DDAH1: variants seen among roughly 807,000 people sequenced by gnomAD.
DDAH1 encodes dimethylarginine dimethylaminohydrolase 1, also known as N(G),N(G)-dimethylarginine dimethylaminohydrolase 1.
In DDAH1, 19 loss-of-function variants were observed where a neutral mutation model predicts 28.8. The ratio of observed to expected loss-of-function variants is 0.66; its 90% confidence interval spans 0.46 to 0.97. The LOEUF is 0.97. Among genes scored for constraint, DDAH1 ranks in the 50% least tolerant of loss-of-function variants. DDAH1 has a pLI of 0.00. For synonymous variants in DDAH1, 153 were observed against 154.4 expected, an observed-to-expected ratio of 0.99 and a Z score of 0.07; for missense variants, 326 against 375.9, an observed-to-expected ratio of 0.87 and a Z score of 1.10.
intron 4 of DDAH1, among the ~76,000 whole-genome samples, chr1:85,345,400 G>C (rs1209654719): frequency 6.6e-6 from 1 of 151,828 alleles, no homozygotes; most frequent in Non-Finnish European, 1.5e-5. Flanking sequence ...AAAAACTATA[G>C]GAAATGCAGG....
chr1:85,388,200 G>A (rs988702178), intron 1 of DDAH1, among the ~76,000 whole-genome samples: 1 of 152,158 alleles, frequency 6.6e-6, no homozygotes, highest in Non-Finnish European at 1.5e-5. Flanking sequence ...TTCCTTGTCT[G>A]TAAATTGGAG....
At chr1:85,477,858 T>C (rs933669513) in intron 2 of DDAH1, among the ~76,000 whole-genome samples, 3 of 152,090 alleles carry the variant, frequency 2.0e-5, no homozygotes, top group South Asian at 4.1e-4. Flanking sequence ...AAATTGTCTA[T>C]AATTTATTGT....
At chr1:85,513,394 A>T (rs1439150460) in intron 1 of DDAH1, among the ~76,000 whole-genome samples, 1 of 152,226 alleles carries the variant, frequency 6.6e-6, no homozygotes, top group East Asian at 1.9e-4. Flanking sequence ...AAACCATAAA[A>T]ACCCTAGAAG....
chr1:85,543,153 G>A (rs1442102486), intron 1 of DDAH1, among the ~76,000 whole-genome samples: 1 of 152,080 alleles, frequency 6.6e-6, no homozygotes, highest in Admixed American at 6.6e-5. Flanking sequence ...GGAGCCAGGA[G>A]GTATAACAAA....
intron 1 of DDAH1, among the ~76,000 whole-genome samples, chr1:85,416,877 A>G (rs1652911004): frequency 6.6e-6 from 1 of 152,040 alleles, no homozygotes; most frequent in Non-Finnish European, 1.5e-5. Flanking sequence ...CATGTTGCCC[A>G]GGCTGGTCTC....
chr1:85,331,631 G>A (rs1451344401), intron 4 of DDAH1, among the ~76,000 whole-genome samples: 1 of 152,106 alleles, frequency 6.6e-6, no homozygotes, highest in Non-Finnish European at 1.5e-5. Context: ...AAGCCCTGGA[G>A]GTCTTTTTAA....
intron 1 of DDAH1, among the ~76,000 whole-genome samples, chr1:85,414,817 T>C (rs1652815541): frequency 1.3e-5 from 2 of 151,844 alleles, no homozygotes; most frequent in African/African-American, 4.8e-5. Context: ...TCAAACAACA[T>C]TTGATGAATG....
At chr1:85,442,273 G>A (rs1450903362) in intron 1 of DDAH1, among the ~76,000 whole-genome samples, 1 of 152,162 alleles carries the variant, frequency 6.6e-6, no homozygotes, top group Non-Finnish European at 1.5e-5. Flanking sequence ...GTGAGAACAT[G>A]CAGTGTTTGG....
At chr1:85,518,641 T>G (rs1217629770) in intron 1 of DDAH1, among the ~76,000 whole-genome samples, 3 of 152,182 alleles carry the variant, frequency 2.0e-5, no homozygotes, top group Non-Finnish European at 4.4e-5. Flanking sequence ...CTTTAAGGAC[T>G]CAAGTGATTA....
chr1:85,465,312 C>T (rs1006881340), upstream of DDAH1: 1 of 742,156 alleles, frequency 1.3e-6, no homozygotes, highest in African/African-American at 1.9e-5. Flanking sequence ...CGGCGAGCGC[C>T]GGGCGAGGAG....
At chr1:85,472,407 A>G (rs1655647587) in intron 2 of DDAH1, among the ~76,000 whole-genome samples, 1 of 152,222 alleles carries the variant, frequency 6.6e-6, no homozygotes, top group Non-Finnish European at 1.5e-5. Flanking sequence ...TTGGGTCTTC[A>G]TTCTGAAGGC....
chr1:85,371,992 G>A lies in DDAH1; in HGVS notation c.304-13145C>T, dbSNP rs947257884. 3.6e-5 allele frequency among the ~76,000 whole-genome samples: 5 copies of A among 140,040 alleles called. No homozygotes were observed. The East Asian group carries it at 9.7e-4, about 27-fold the overall frequency. 91.9% of individuals were successfully genotyped at this position (140,040 alleles called of 152,430 possible). A position where few individuals can be genotyped will look rare whatever the true frequency, so the allele number is the denominator to read the frequency against. Reference sequence around the variant, plus strand: ...TTTTTGGAACACTGGGATGATTTCTGGGGGGGAATTTTGCTGCTTTTTTTT... The same window carrying A: ...TTTTTGGAACACTGGGATGATTTCTAGGGGGGAATTTTGCTGCTTTTTTTT... On this transcript the variant is annotated intron_variant, in intron 1 of 5. Coordinates refer to ENST00000284031, the MANE Select transcript of DDAH1 (RefSeq NM_012137.4).
intron 2 of DDAH1, among the ~76,000 whole-genome samples, chr1:85,355,509 A>G (rs957319158): frequency 2.0e-5 from 3 of 152,204 alleles, no homozygotes; most frequent in Non-Finnish European, 4.4e-5. Flanking sequence ...ATTTGATTTC[A>G]TGCTGGGGTT....
intron 1 of DDAH1, among the ~76,000 whole-genome samples, chr1:85,554,935 A>C (rs1658919164): frequency 6.6e-6 from 1 of 152,244 alleles, no homozygotes; most frequent in Non-Finnish European, 1.5e-5. Flanking sequence ...ACTAATTAAC[A>C]TGTACATTGT....
At chr1:85,521,552 G>A (rs1657689773) in intron 1 of DDAH1, 1 of 931,788 alleles carries the variant, frequency 1.1e-6, no homozygotes, top group African/African-American at 1.8e-5. Context: ...GTGTTTCTGT[G>A]AGTTGTGAGG....
intron 2 of DDAH1, among the ~76,000 whole-genome samples, chr1:85,489,253 A>G (rs1656303246): frequency 1.3e-5 from 2 of 152,224 alleles, no homozygotes; most frequent in African/African-American, 4.8e-5. Flanking sequence ...CCCTACTGAA[A>G]GCAAAAATAA....
At chr1:85,501,374 A>C (rs1442610405) in intron 1 of DDAH1, among the ~76,000 whole-genome samples, 1 of 152,150 alleles carries the variant, frequency 6.6e-6, no homozygotes, top group Non-Finnish European at 1.5e-5. Context: ...GAACATCTAC[A>C]TCTCCAGTTT....
intron 1 of DDAH1, among the ~76,000 whole-genome samples, chr1:85,451,749 G>A (rs184089954): frequency 2.1e-4 from 32 of 152,230 alleles, no homozygotes; most frequent in African/African-American, 6.7e-4. Flanking sequence ...TTGATATCTC[G>A]AGTGATTGTG....
intron 1 of DDAH1, among the ~76,000 whole-genome samples, chr1:85,544,774 T>C (rs543614050): frequency 1.3e-5 from 2 of 152,228 alleles, no homozygotes; most frequent in Admixed American, 1.3e-4. Context: ...AGGAAACTGC[T>C]CGTGGCCTCC....
Sources: gnomAD v4.1 joint callset for allele counts (sites outside exome capture counted in the v4.1 genomes callset) on GRCh38, gnomAD v4.1.1 for gene constraint, MANE v1.5 for transcripts, NCBI Gene and HGNC (gene_info 2026-07-23, HGNC 2026-07-21) for gene names.